Variants in LRBA observed in about 807,000 individuals in gnomAD.
The protein encoded by LRBA is lipopolysaccharide-responsive and beige-like anchor protein.
LRBA carries 176 observed loss-of-function variants against 330.0 expected under a neutral mutation model. The ratio of observed to expected loss-of-function variants is 0.53; its 90% CI spans 0.47 to 0.60. The LOEUF is 0.60. LRBA is among the 20% of genes least tolerant of loss of function. The probability of loss-of-function intolerance (pLI) is 0.00; values close to 1 mark genes in which losing one functional copy is unlikely to be tolerated. For missense variants in LRBA, 3,259 were observed against 3,444.8 expected, an observed-to-expected ratio of 0.95 and a Z score of 1.35; for synonymous variants, 1,230 against 1,193.0, an observed-to-expected ratio of 1.03 and a Z score of -0.64.
intron 17 of LRBA, among the ~76,000 whole-genome samples, chr4:150,891,973 T>G (rs542210132): frequency 2.1e-4 from 32 of 152,126 alleles, no homozygotes; most frequent in Non-Finnish European, 3.7e-4. Context: ...ACGCCTGTAG[T>G]CCCAGCTACT....
At chr4:150,314,505 G>A (rs998701729) in intron 51 of LRBA, among the ~76,000 whole-genome samples, 1 of 152,020 alleles carries the variant, frequency 6.6e-6, no homozygotes, top group Admixed American at 6.6e-5. Flanking sequence ...GCCTTTTAAA[G>A]ACAAAAATGG....
chr4:150,528,549 T>C (rs546733775), intron 40 of LRBA, among the ~76,000 whole-genome samples: 194 of 151,840 alleles, frequency 1.3e-3, no homozygotes, highest in African/African-American at 4.7e-3. Context: ...AAAGAAAGTC[T>C]ATATACAGTT....
chr4:150,733,954 C>A (rs1216789607), intron 36 of LRBA, among the ~76,000 whole-genome samples: 1 of 152,094 alleles, frequency 6.6e-6, no homozygotes, highest in African/African-American at 2.4e-5. Context: ...TGAAAGTAAT[C>A]TTCTTTCTTT....
chr4:150,898,317 T>C (rs1730338769), intron 14 of LRBA, among the ~76,000 whole-genome samples: 1 of 152,050 alleles, frequency 6.6e-6, no homozygotes, highest in Non-Finnish European at 1.5e-5. Context: ...ACGATATCAT[T>C]CATGAAGAAG....
chr4:150,576,312 T>C (rs527789265), intron 40 of LRBA, among the ~76,000 whole-genome samples: 19 of 151,906 alleles, frequency 1.3e-4, no homozygotes, highest in African/African-American at 4.3e-4. Context: ...AACTCAAAAA[T>C]GTATACATTT....
At chr4:150,640,156 C>T (rs1037819668) in intron 37 of LRBA, among the ~76,000 whole-genome samples, 1 of 151,684 alleles carries the variant, frequency 6.6e-6, no homozygotes, top group Non-Finnish European at 1.5e-5. Flanking sequence ...CACGCCCGGC[C>T]CCAATTTATT....
At chr4:150,324,607 A>G (rs1240158962) in intron 49 of LRBA, among the ~76,000 whole-genome samples, 1 of 130,398 alleles carries the variant, frequency 7.7e-6, no homozygotes, top group African/African-American at 3.6e-5. Flanking sequence ...AAGAGAAAGG[A>G]AAAAAAAAAA....
intron 40 of LRBA, among the ~76,000 whole-genome samples, chr4:150,500,371 T>C (rs1040631732): frequency 2.6e-5 from 4 of 151,894 alleles, no homozygotes; most frequent in Non-Finnish European, 5.9e-5. Context: ...AGGTCAGTAG[T>C]TCAAGACCAG....
intron 47 of LRBA, among the ~76,000 whole-genome samples, chr4:150,413,076 A>G (rs1747242737): frequency 6.6e-6 from 1 of 150,926 alleles, no homozygotes; most frequent in Non-Finnish European, 1.5e-5. Context: ...ACCAAAGAAA[A>G]TATATATATA....
At chr4:150,607,435 G>A (rs993379571) in intron 37 of LRBA, among the ~76,000 whole-genome samples, 1 of 151,770 alleles carries the variant, frequency 6.6e-6, no homozygotes, top group African/African-American at 2.4e-5. Context: ...TGTAACAAGA[G>A]GGAAGTTAGA....
At chr4:150,625,811 G>C (rs905884907) in intron 37 of LRBA, among the ~76,000 whole-genome samples, 1 of 151,800 alleles carries the variant, frequency 6.6e-6, no homozygotes, top group African/African-American at 2.4e-5. Flanking sequence ...CCGGGTTAGA[G>C]TGATTCTCCT....
chr4:150,820,637 A>C (rs1458249643), intron 30 of LRBA, among the ~76,000 whole-genome samples: 1 of 152,064 alleles, frequency 6.6e-6, no homozygotes, highest in African/African-American at 2.4e-5. Flanking sequence ...AATTAACATA[A>C]CATTGCTTCA....
intron 9 of LRBA, among the ~76,000 whole-genome samples, chr4:150,910,739 T>A (rs971345358): frequency 1.3e-5 from 2 of 152,002 alleles, no homozygotes; most frequent in Non-Finnish European, 2.9e-5. Flanking sequence ...CTGTACTGAA[T>A]CTGTAGATTG....
At position 150,611,445 on chromosome 4, in the gene LRBA, T is replaced by C. The variant is rs1369302730; in HGVS notation, c.5922-12314A>G. Among the ~76,000 whole-genome samples, 6 of 152,332 alleles carry C rather than the reference T, an allele frequency of 3.9e-5. No individual in the cohort carries two copies. The East Asian group carries it at 9.6e-4, about 24-fold the overall frequency. On this transcript the variant is annotated intron_variant, in intron 37 of 56. Coordinates refer to ENST00000651943, the MANE Select transcript of LRBA (RefSeq NM_001364905.1). ...CAGGCTACTTTGGCTAAGACATTCA[T>C]ATGAGGTTCATTAATATACTTCTTA...
chr4:150,413,271 AT>A (rs1410914121), intron 47 of LRBA, among the ~76,000 whole-genome samples: 1 of 152,116 alleles, frequency 6.6e-6, no homozygotes, highest in East Asian at 1.9e-4. Context: ...AATGGTAAAC[AT>A]TTTTATTATA....
At chr4:150,872,030 T>A (rs2127006445) in intron 18 of LRBA, among the ~76,000 whole-genome samples, 1 of 152,310 alleles carries the variant, frequency 6.6e-6, no homozygotes, top group East Asian at 1.9e-4. Flanking sequence ...GTGGACCAGG[T>A]GATTTCTGTC....
intron 43 of LRBA, among the ~76,000 whole-genome samples, chr4:150,469,003 T>C (rs1185578215): frequency 2.6e-5 from 4 of 152,038 alleles, no homozygotes; most frequent in African/African-American, 9.6e-5. Flanking sequence ...TTTTAATTTC[T>C]CCATTAAAAA....
intron 37 of LRBA, among the ~76,000 whole-genome samples, chr4:150,606,020 T>A (rs144829223): frequency 6.6e-6 from 1 of 152,298 alleles, no homozygotes; most frequent in African/African-American, 2.4e-5. Context: ...TTATGTAAAA[T>A]CAAATTTTAT....
intron 16 of LRBA, among the ~76,000 whole-genome samples, chr4:150,893,761 T>C (rs1488926233): frequency 1.3e-5 from 2 of 152,114 alleles, no homozygotes; most frequent in East Asian, 3.9e-4. Flanking sequence ...CTGCAAGCTC[T>C]GCATCCCGGG....
Sources: gnomAD v4.1 joint callset for allele counts (sites outside exome capture counted in the v4.1 genomes callset) on GRCh38, gnomAD v4.1.1 for gene constraint, MANE v1.5 for transcripts, NCBI Gene and HGNC (gene_info 2026-07-23, HGNC 2026-07-21) for gene names.